Variants in ZNF831 observed in about 807,000 individuals in gnomAD.
ZNF831 encodes chromosome 20 open reading frame 174.
In ZNF831, 59 loss-of-function variants were observed where a neutral mutation model predicts 95.8. The observed-to-expected ratio is 0.62, with a 90% CI of 0.50 to 0.77. The LOEUF (loss-of-function observed/expected upper bound fraction) is 0.77, where lower values mean the gene tolerates loss of function less well. Ranked by LOEUF, ZNF831 falls within the 30% of genes least tolerant of loss-of-function variation. The probability of loss-of-function intolerance (pLI) is 0.00; values close to 1 mark genes in which losing one functional copy is unlikely to be tolerated. For missense variants in ZNF831, 2,205 were observed against 2,164.0 expected, an observed-to-expected ratio of 1.02 and a Z score of -0.38; for synonymous variants, 961 against 925.5, an observed-to-expected ratio of 1.04 and a Z score of -0.70.
rs778116827 is a variant in ZNF831 at position 59,191,700 on chromosome 20, G to A, written c.681G>A (p.Glu227=). 4 of 1,567,018 alleles carry A rather than the reference G, an allele frequency of 2.6e-6. No individual in the cohort carries two copies. Among genetic ancestry groups the A allele is most frequent in the Non-Finnish European group, 3.5e-6 (4 of 1,155,566 alleles). Residue 227 remains glutamate (E), a synonymous_variant, in exon 2 of 6, where the codon GAG becomes GAA. Transcript: ENST00000371030. ...AGGCCGGAGAGCCCCCCAGACCAGA[G>A]GGCAGGGGCGAGAGCAGGTGCCAGG... ...GDKAGEPPRP[E]GRGESRCQGM... is the part of the protein sequence containing the mutation.
chr20:59,253,869 C>CCCCTTTTTT, intron 5 of ZNF831, 29 bp from the exon 6 acceptor site: 1 of 1,067,570 alleles, frequency 9.4e-7, no homozygotes, highest in South Asian at 2.0e-5. Context: ...TCCCCCCCCA[C>CCCCTTTTTT]TTTTTTTTTC....
At position 59,153,511 on chromosome 20, in the gene ZNF831, G is replaced by A. The variant is rs60955439; in HGVS notation, c.-1280-6141G>A. On this transcript the variant is annotated intron_variant, in intron 2 of 7. Coordinates refer to the ZNF831 transcript ENST00000637017. Reference sequence around the variant, plus strand: ...GGCACACAGGGCCAAGCGCTTATTCGTGCTGGAAGCTGCCCTGGCAGCCTG... The same window carrying A: ...GGCACACAGGGCCAAGCGCTTATTCATGCTGGAAGCTGCCCTGGCAGCCTG... Among the ~76,000 whole-genome samples, 434 of 152,346 alleles carry A rather than the reference G, an allele frequency of 2.8e-3. 2 individuals carry two copies. The highest frequency in any genetic ancestry group is 9.9e-3 in the African/African-American group (413 of 41,588).
chr20:59,124,115 T>C (rs1979089396), intron 1 of ZNF831, among the ~76,000 whole-genome samples: 1 of 152,126 alleles, frequency 6.6e-6, no homozygotes. Flanking sequence ...TTGGTGGCAA[T>C]GTCAGGTGAT....
intron 1 of ZNF831, among the ~76,000 whole-genome samples, chr20:59,168,455 G>GTTTTTTTTTTT: frequency 8.8e-6 from 1 of 113,854 alleles, no homozygotes; most frequent in Non-Finnish European, 1.7e-5. Context: ...GTGCGAGGAG[G>GTTTTTTTTTTT]TTTTTTTTTT....
chr20:59,148,902 T>C (rs1980054633), intron 2 of ZNF831, among the ~76,000 whole-genome samples: 2 of 151,908 alleles, frequency 1.3e-5, no homozygotes, highest in Admixed American at 1.3e-4. Context: ...GGACACAGCT[T>C]ACCACATCCT....
chr20:59,123,963 C>T (rs1431358412), intron 1 of ZNF831, among the ~76,000 whole-genome samples: 1 of 152,208 alleles, frequency 6.6e-6, no homozygotes, highest in Non-Finnish European at 1.5e-5. Context: ...TGACTTCAAA[C>T]TAGCTTAGCC....
chr20:59,232,662 T>G (rs900347512), intron 4 of ZNF831, among the ~76,000 whole-genome samples: 2 of 152,214 alleles, frequency 1.3e-5, no homozygotes, highest in Admixed American at 6.5e-5. Context: ...TAGTTTTCAT[T>G]CATTAATTTC....
intron 5 of ZNF831, among the ~76,000 whole-genome samples, 162 bp downstream of exon 5, chr20:59,253,300 AT>A (rs1987999585): frequency 6.6e-6 from 1 of 152,164 alleles, no homozygotes. Flanking sequence ...AACTCAAAAC[AT>A]TCTGTATCGA....
upstream of ZNF831, among the ~76,000 whole-genome samples, chr20:59,163,014 G>GGTTTGT (rs372481661): frequency 6.6e-4 from 90 of 136,526 alleles, no homozygotes; most frequent in East Asian, 5.1e-3. Flanking sequence ...TGTATTCCTA[G>GGTTTGT]GTGTGTGTGT....
chr20:59,187,219 C>T (rs1218125645), intron 1 of ZNF831, among the ~76,000 whole-genome samples: 2 of 152,096 alleles, frequency 1.3e-5, no homozygotes, highest in African/African-American at 4.8e-5. Flanking sequence ...ATGTTTCTTC[C>T]CCCCAGCTCC....
intron 1 of ZNF831, among the ~76,000 whole-genome samples, chr20:59,173,934 G>A (rs1336285751): frequency 1.3e-5 from 2 of 152,158 alleles, no homozygotes; most frequent in African/African-American, 4.8e-5. Context: ...ACACTTGGAA[G>A]GCATTCAGGT....
At chr20:59,240,657 C>T (rs1987278312) in intron 4 of ZNF831, among the ~76,000 whole-genome samples, 1 of 151,992 alleles carries the variant, frequency 6.6e-6, no homozygotes, top group South Asian at 2.1e-4. Flanking sequence ...AAAAAATTAG[C>T]CGGGCGTGGT....
intron 4 of ZNF831, among the ~76,000 whole-genome samples, chr20:59,221,564 T>C (rs1246500341): frequency 1.3e-5 from 2 of 152,192 alleles, no homozygotes; most frequent in African/African-American, 2.4e-5. Flanking sequence ...CCTCCAAATG[T>C]TTTTCCTCAT....
At chr20:59,188,600 T>C (rs1014474990) in intron 1 of ZNF831, among the ~76,000 whole-genome samples, 1 of 152,008 alleles carries the variant, frequency 6.6e-6, no homozygotes, top group Non-Finnish European at 1.5e-5. Flanking sequence ...GAGGTTGCAG[T>C]GAGCTGAGAT....
intron 4 of ZNF831, among the ~76,000 whole-genome samples, chr20:59,209,170 G>C (rs115596254): frequency 7.7e-4 from 117 of 152,244 alleles, no homozygotes; most frequent in African/African-American, 2.7e-3. Flanking sequence ...GGATGTCGAC[G>C]GTCTGTCAGT....
At chr20:59,219,484 T>C (rs1985933989) in intron 4 of ZNF831, among the ~76,000 whole-genome samples, 2 of 152,254 alleles carry the variant, frequency 1.3e-5, no homozygotes, top group South Asian at 4.1e-4. Flanking sequence ...CTCGCTGATA[T>C]GATTAAGCTT....
rs142199258 is a variant in ZNF831, at chr20:59,152,497, C to T, written c.-1281+6123C>T. The stretch of plus-strand genomic sequence containing the variant: ...GCCTTTGGTTTGATTGGAGGGTGCA[C>T]GCATCCATCCGTGCATGCCGGGGCA... On this transcript the variant is annotated intron_variant, in intron 2 of 7. Coordinates refer to the ZNF831 transcript ENST00000637017. Among the ~76,000 whole-genome samples the T allele has an allele frequency of 2.7e-3, 418 of 152,232 alleles. 1 individual carries two copies. Among genetic ancestry groups the T allele is most frequent in the Non-Finnish European group, 4.3e-3 (293 of 68,004 alleles).
In ZNF831 at chr20:59,195,880, A is replaced by G; in HGVS notation, c.3750A>G (p.Pro1250=). 1.9e-6 allele frequency: 3 copies of G among 1,613,250 alleles called. No homozygotes were observed. The highest frequency in any genetic ancestry group is 1.1e-5 in the South Asian group (1 of 90,876). The change falls in exon 3 of 6, where the codon CCA becomes CCG. Residue 1250 remains proline (P), a synonymous_variant. Transcript: ENST00000371030. ...GPAQMSKFSY[P]TVPGVMPQHQ... is the part of the protein sequence containing the mutation. The stretch of plus-strand genomic sequence containing the variant: ...CTTGGTGTTTTCAGTTCTCCTACCC[A>G]ACAGTCCCAGGGGTGATGCCCCAGC...
intron 1 of ZNF831, among the ~76,000 whole-genome samples, chr20:59,129,366 C>A (rs1979278406): frequency 6.6e-6 from 1 of 152,116 alleles, no homozygotes; most frequent in Non-Finnish European, 1.5e-5. Context: ...GTGGCTCACG[C>A]CTATAATCCC....
Sources: allele counts gnomAD v4.1 joint callset (sites outside exome capture counted in the v4.1 genomes callset), GRCh38; gene constraint gnomAD v4.1.1; transcripts MANE v1.5; gene names NCBI Gene and HGNC (gene_info 2026-07-23, HGNC 2026-07-21).